Variants in UGT1A5 observed in about 807,000 individuals in gnomAD.
UGT1A5 encodes the protein UDP glucuronosyltransferase family 1 member A5, also known as UDP-glucuronosyltransferase 1A5.
In UGT1A5, 29 loss-of-function variants were observed where a neutral mutation model predicts 40.3. The ratio of observed to expected loss-of-function variants is 0.72; its 90% CI spans 0.54 to 0.98. The LOEUF (loss-of-function observed/expected upper bound fraction) is 0.98, where lower values mean the gene tolerates loss of function less well. Ranked by LOEUF, UGT1A5 falls within the 50% of genes least tolerant of loss-of-function variation. The probability of loss-of-function intolerance (pLI) is 0.00; values close to 1 mark genes in which losing one functional copy is unlikely to be tolerated. For synonymous variants in UGT1A5, 257 were observed against 262.5 expected, an observed-to-expected ratio of 0.98 and a Z score of 0.20; for missense variants, 678 against 677.9, an observed-to-expected ratio of 1.00 and a Z score of 0.00.
intron 1 of UGT1A5, among the ~76,000 whole-genome samples, chr2:233,749,776 T>C (rs995320818): frequency 2.6e-5 from 4 of 151,902 alleles, no homozygotes; most frequent in African/African-American, 9.7e-5. Flanking sequence ...CTGATGGTTT[T>C]ATAAGGGGCC....
At chr2:233,738,832 A>G (rs6431628) in intron 1 of UGT1A5, 84,103 of 152,154 alleles carry the variant, frequency 0.55, 25,404 homozygotes, top group African/African-American at 0.81. Context: ...ATAAGGAGGA[A>G]CCAAATGTTA....
intron 1 of UGT1A5, among the ~76,000 whole-genome samples, chr2:233,715,561 C>T (rs1394505306): frequency 6.6e-6 from 1 of 152,008 alleles, no homozygotes; most frequent in Non-Finnish European, 1.5e-5. Flanking sequence ...TGCTTGAGCC[C>T]AGGAGTCTGA....
At position 233,768,260 on chromosome 2, in the gene UGT1A5, C is replaced by T; in HGVS notation, c.1128C>T (p.Ser376=). The T allele has an allele frequency of 6.2e-7, 1 of 1,614,136 alleles. No individual in the cohort carries two copies. Among genetic ancestry groups the T allele is most frequent in the Non-Finnish European group, 8.5e-7 (1 of 1,180,024 alleles). The change falls in exon 4 of 5, where the codon TCC becomes TCT. Residue 376 remains serine, a synonymous_variant. Transcript: ENST00000373414. ...MTRAFITHAG[S]HGVYESICNG... Reference sequence around the variant, plus strand: ...GTGCCTTTATCACCCATGCTGGTTCCCATGGTGTTTATGAAAGCATATGCA... The same window carrying T: ...GTGCCTTTATCACCCATGCTGGTTCTCATGGTGTTTATGAAAGCATATGCA...
At chr2:233,743,761 G>A (rs767554453) in intron 1 of UGT1A5, 25 of 1,367,324 alleles carry the variant, frequency 1.8e-5, no homozygotes, top group Admixed American at 5.7e-5. Flanking sequence ...ACACCTCGTA[G>A]GCCTCGGCCA....
chr2:233,744,946 A>G (rs563141954), intron 1 of UGT1A5, among the ~76,000 whole-genome samples: 4 of 152,034 alleles, frequency 2.6e-5, no homozygotes, highest in African/African-American at 7.3e-5. Context: ...CAGTATTTGT[A>G]TATAACCTAC....
chr2:233,772,135 A>C (rs1281309979), intron 4 of UGT1A5, 127 bp from the exon 5 acceptor site: 4 of 1,546,748 alleles, frequency 2.6e-6, no homozygotes, highest in Non-Finnish European at 3.5e-6. Context: ...CAACAACAAT[A>C]ATAGAAACAG....
chr2:233,760,308 C>G (rs780253764), intron 1 of UGT1A5: 1 of 1,613,678 alleles, frequency 6.2e-7, no homozygotes. Flanking sequence ...AGTCCCAGGG[C>G]GGACGCCCAC....
At chr2:233,716,488 C>G (rs371843932) in intron 1 of UGT1A5, among the ~76,000 whole-genome samples, 4 of 152,302 alleles carry the variant, frequency 2.6e-5, no homozygotes, top group African/African-American at 9.6e-5. Flanking sequence ...CCGTAGTCTT[C>G]TATTCTCCAG....
At chr2:233,723,877 C>A (rs1300798569) in intron 1 of UGT1A5, among the ~76,000 whole-genome samples, 1 of 40,764 alleles carries the variant, frequency 2.5e-5, no homozygotes, top group East Asian at 4.6e-4. Flanking sequence ...GATCCCAAGG[C>A]AGAGGAATTT....
chr2:233,727,660 A>G (rs1325777939), intron 1 of UGT1A5, among the ~76,000 whole-genome samples: 2 of 152,150 alleles, frequency 1.3e-5, no homozygotes, highest in Admixed American at 6.5e-5. Context: ...CTAGTGCTCT[A>G]TGTCCTTACA....
chr2:233,753,954 T>C (rs1695355745), intron 1 of UGT1A5, among the ~76,000 whole-genome samples: 2 of 152,202 alleles, frequency 1.3e-5, no homozygotes, highest in Admixed American at 1.3e-4. Flanking sequence ...ACCTCCAAAA[T>C]ATTAAGAGAA....
At chr2:233,715,323 T>A (rs1156310417) in intron 1 of UGT1A5, among the ~76,000 whole-genome samples, 1 of 152,206 alleles carries the variant, frequency 6.6e-6, no homozygotes, top group Non-Finnish European at 1.5e-5. Context: ...TTATACATAG[T>A]GATTAGATTG....
rs558109660 is a variant in UGT1A5, at chr2:233,768,353, TA to T, written c.1223del (p.Lys408ArgfsTer5). The T allele has an allele frequency of 4.0e-5, 64 of 1,614,032 alleles. No individual in the cohort carries two copies. Among genetic ancestry groups the T allele is most frequent in the Non-Finnish European group, 5.4e-5 (64 of 1,180,040 alleles). ...TGGACAATGCAAAGCGCATGGAGAC[TA>T]AGGGAGCTGGAGTGACCCTGAATGT... ...QMDNAKRMET[K>X]GAGVTLNVLE... is the part of the protein sequence containing the mutation. On this transcript the variant is annotated frameshift_variant, in exon 4 of 5. Coordinates refer to ENST00000373414, the MANE Select transcript of UGT1A5 (RefSeq NM_019078.2). LOFTEE classifies it high-confidence loss of function.
At chr2:233,766,271 G>A (rs926044962) in intron 1 of UGT1A5, among the ~76,000 whole-genome samples, 6 of 67,896 alleles carry the variant, frequency 8.8e-5, no homozygotes, top group Non-Finnish European at 1.8e-4. Context: ...GCCCGGGCTC[G>A]GTGGCCCGGG....
At chr2:233,727,355 C>A (rs1460228940) in intron 1 of UGT1A5, among the ~76,000 whole-genome samples, 2 of 152,284 alleles carry the variant, frequency 1.3e-5, no homozygotes, top group East Asian at 3.9e-4. Context: ...TTCTGCTATC[C>A]TTAGGGCCCC....
chr2:233,733,177 G>T (rs2078363766), intron 1 of UGT1A5, among the ~76,000 whole-genome samples: 1 of 152,226 alleles, frequency 6.6e-6, no homozygotes, highest in Non-Finnish European at 1.5e-5. Flanking sequence ...GGACTTTGCT[G>T]AAGTTGCTTA....
intron 1 of UGT1A5, among the ~76,000 whole-genome samples, chr2:233,762,537 C>T (rs1182921904): frequency 4.6e-5 from 7 of 152,180 alleles, no homozygotes; most frequent in African/African-American, 1.7e-4. Flanking sequence ...ACTTGTGTAC[C>T]ACAGTGTATT....
chr2:233,719,338 G>T (rs546499527), intron 1 of UGT1A5: 33 of 1,613,808 alleles, frequency 2.0e-5, no homozygotes, highest in South Asian at 1.1e-4. Flanking sequence ...GTGTTTTTTT[G>T]GAGGTACATT....
At chr2:233,768,582 CTTTT>C (rs139595073) in intron 4 of UGT1A5, 143 bp downstream of exon 4, 9,680 of 1,016,394 alleles carry the variant, frequency 9.5e-3, no homozygotes, top group East Asian at 0.022. Flanking sequence ...TTTATTTCTT[CTTTT>C]TTTTTTTTTT....
Sources: gnomAD v4.1 joint callset for allele counts (sites outside exome capture counted in the v4.1 genomes callset) on GRCh38, gnomAD v4.1.1 for gene constraint, MANE v1.5 for transcripts, NCBI Gene and HGNC (gene_info 2026-07-23, HGNC 2026-07-21) for gene names.